Variants in NARS2 observed in about 807,000 individuals in gnomAD.
The protein encoded by NARS2 is asparaginyl-tRNA synthetase.
Under a neutral mutation model 62.9 loss-of-function variants are expected in NARS2, and 60 were observed. The observed-to-expected ratio is 0.95, with a 90% CI of 0.77 to 1.18. NARS2 has a LOEUF of 1.18. NARS2 is among the 50% of genes most tolerant of loss of function. NARS2 has a pLI of 0.00. For synonymous variants in NARS2, 196 were observed against 200.0 expected (o/e 0.98, Z 0.17); for missense variants, 619 against 576.4 (o/e 1.07, Z -0.76).
intron 3 of NARS2, among the ~76,000 whole-genome samples, chr11:78,568,076 T>C (rs1856802258): frequency 6.6e-6 from 1 of 152,260 alleles, no homozygotes; most frequent in South Asian, 2.1e-4. Flanking sequence ...CTTGCCTCTA[T>C]TCGGCCTAAG....
chr11:78,515,776 G>A (rs1041038250), intron 6 of NARS2, among the ~76,000 whole-genome samples: 3 of 152,054 alleles, frequency 2.0e-5, no homozygotes, highest in South Asian at 2.1e-4. Flanking sequence ...CTCTTGCCTC[G>A]GCCTCCCAAA....
intron 7 of NARS2, among the ~76,000 whole-genome samples, chr11:78,489,194 A>G (rs985345308): frequency 4.6e-5 from 7 of 152,224 alleles, no homozygotes; most frequent in Non-Finnish European, 1.0e-4. Context: ...CACACATCCA[A>G]CAAGGAACTA....
intron 7 of NARS2, among the ~76,000 whole-genome samples, chr11:78,489,353 A>G (rs1442018202): frequency 1.3e-5 from 2 of 152,228 alleles, no homozygotes; most frequent in African/African-American, 4.8e-5. Flanking sequence ...ATCAATAAGC[A>G]TTAGGGAAAT....
At chr11:78,449,490 A>T (rs75630714) in intron 11 of NARS2, among the ~76,000 whole-genome samples, 6,514 of 151,282 alleles carry the variant, frequency 0.043, 445 homozygotes, top group African/African-American at 0.15. Context: ...AAAAAAAAAA[A>T]TTTTTTTTTC....
intron 6 of NARS2, among the ~76,000 whole-genome samples, chr11:78,519,258 G>A (rs1360938164): frequency 6.6e-6 from 1 of 151,978 alleles, no homozygotes; most frequent in African/African-American, 2.4e-5. Flanking sequence ...TTAAATAATC[G>A]AAGGGAGTCA....
rs1016080710 is a variant in NARS2, at chr11:78,574,651, A to G, written c.-163T>C. On this transcript the variant is annotated 5_prime_UTR_variant, in exon 1 of 14. Coordinates refer to ENST00000281038, the MANE Select transcript of NARS2 (RefSeq NM_024678.6). ...GCGCGCTTTCTCCTTCAGGACTCCC[A>G]GCTCTGTCCCCACAGAACCTCTCCG... 9.8e-6 allele frequency: 7 copies of G among 711,772 alleles called. No individual in the cohort carries two copies. The highest frequency in any genetic ancestry group is 3.0e-5 in the Admixed American group (1 of 33,266). 44.1% of individuals were successfully genotyped at this position (711,772 alleles called of 1,614,324 possible). A position where few individuals can be genotyped will look rare whatever the true frequency, so the allele number is the denominator to read the frequency against.
At position 78,469,265 on chromosome 11, in the gene NARS2, GTTCTGGGATGC is replaced by G; in HGVS notation, c.997_1007del (p.Ala333LeufsTer10). On this transcript the variant is annotated frameshift_variant, in exon 10 of 14. Transcript: ENST00000281038. LOFTEE classifies it high-confidence loss of function. ...ATACTACCTCTGGGGTAAAGGTGAAGTTCTGGGATGCTTGCTTTAAGATCTCCACTGCTTCA... is the reference window on the plus strand; with the variant it reads ...ATACTACCTCTGGGGTAAAGGTGAAGTTGCTTTAAGATCTCCACTGCTTCA... 6.2e-7 allele frequency: 1 copy of G among 1,612,392 alleles called. No homozygotes were observed. Among genetic ancestry groups the G allele is most frequent in the Non-Finnish European group, 8.5e-7 (1 of 1,178,606 alleles).
chr11:78,467,266 T>C (rs1054966996), intron 10 of NARS2, among the ~76,000 whole-genome samples: 3 of 152,182 alleles, frequency 2.0e-5, no homozygotes, highest in African/African-American at 7.2e-5. Context: ...AAAAAAGCTC[T>C]GGCCAGGCAT....
At chr11:78,496,316 T>C (rs1441114783) in intron 6 of NARS2, among the ~76,000 whole-genome samples, 1 of 152,148 alleles carries the variant, frequency 6.6e-6, no homozygotes, top group Non-Finnish European at 1.5e-5. Flanking sequence ...TACTAGTGGT[T>C]ACCATTATGG....
At chr11:78,504,821 T>G (rs902860735) in intron 6 of NARS2, among the ~76,000 whole-genome samples, 23 of 152,036 alleles carry the variant, frequency 1.5e-4, no homozygotes, top group Non-Finnish European at 3.2e-4. Flanking sequence ...AACTTTAGGG[T>G]GATCACAGGT....
At chr11:78,468,519 C>G (rs1858729267) in intron 10 of NARS2, among the ~76,000 whole-genome samples, 1 of 151,010 alleles carries the variant, frequency 6.6e-6, no homozygotes, top group Admixed American at 6.6e-5. Context: ...ATTCTCCTGC[C>G]TCAGCCTCCT....
intron 5 of NARS2, among the ~76,000 whole-genome samples, chr11:78,529,238 A>C (rs567021685): frequency 6.6e-6 from 1 of 152,348 alleles, no homozygotes; most frequent in East Asian, 1.9e-4. Flanking sequence ...AATCTAAGGC[A>C]AGAAATTATG....
chr11:78,482,519 G>A (rs1374535800), intron 7 of NARS2, among the ~76,000 whole-genome samples: 1 of 151,944 alleles, frequency 6.6e-6, no homozygotes, highest in Non-Finnish European at 1.5e-5. Context: ...GAAGAAAAGA[G>A]AGAAGAATCA....
At chr11:78,481,480 G>A (rs1360592864) in intron 7 of NARS2, among the ~76,000 whole-genome samples, 1 of 152,168 alleles carries the variant, frequency 6.6e-6, no homozygotes, top group Non-Finnish European at 1.5e-5. Context: ...ACTGTTGAGG[G>A]ACACAGTACA....
intron 13 of NARS2, among the ~76,000 whole-genome samples, chr11:78,440,536 A>T (rs1481847740): frequency 6.9e-6 from 1 of 145,886 alleles, no homozygotes; most frequent in African/African-American, 2.5e-5. Context: ...ACATAATATA[A>T]TTTTTTTTTT....
At chr11:78,477,668 G>A (rs936811821) in intron 9 of NARS2, among the ~76,000 whole-genome samples, 1 of 152,070 alleles carries the variant, frequency 6.6e-6, no homozygotes, top group African/African-American at 2.4e-5. Context: ...CTAAATCAGT[G>A]GACTTTGAAA....
intron 2 of NARS2, among the ~76,000 whole-genome samples, chr11:78,570,876 T>C (rs372049852): frequency 6.6e-6 from 1 of 152,298 alleles, no homozygotes; most frequent in South Asian, 2.1e-4. Context: ...TACCATTCAA[T>C]GTGATACATT....
rs769034630 is a variant in NARS2, at chr11:78,528,820, AAG to A, written c.689+20_689+21del. 10 of 1,532,506 alleles carry A rather than the reference AAG, an allele frequency of 6.5e-6. No individual in the cohort carries two copies. The highest frequency in any genetic ancestry group is 1.7e-4 in the Middle Eastern group (1 of 5,914). The allele number at this position is 1,532,506 out of a possible 1,614,324, so 94.9% of individuals were successfully genotyped here. The stretch of plus-strand genomic sequence containing the variant: ...ACCAAACCATAATATATCAAAGCAA[AAG>A]AGAAAGGAAAATTTCATACCCTGAC... On this transcript the variant is annotated intron_variant, in intron 6 of 13. Coordinates refer to ENST00000281038, the MANE Select transcript of NARS2 (RefSeq NM_024678.6).
At chr11:78,504,541 C>T (rs1860416516) in intron 6 of NARS2, among the ~76,000 whole-genome samples, 1 of 149,704 alleles carries the variant, frequency 6.7e-6, no homozygotes, top group Admixed American at 6.7e-5. Context: ...ATACATGTGA[C>T]TAAGCTTATT....
Sources: gnomAD v4.1 joint callset for allele counts (sites outside exome capture counted in the v4.1 genomes callset) on GRCh38, gnomAD v4.1.1 for gene constraint, MANE v1.5 for transcripts, NCBI Gene and HGNC (gene_info 2026-07-23, HGNC 2026-07-21) for gene names.